Variants in TNPO2 observed in about 807,000 individuals in gnomAD.
TNPO2 encodes transportin 2.
In TNPO2, 16 loss-of-function variants were observed where a neutral mutation model predicts 111.1. The ratio of observed to expected loss-of-function variants is 0.14; its 90% CI spans 0.10 to 0.22. TNPO2 has a LOEUF of 0.22. Among genes scored for constraint, TNPO2 ranks in the 10% least tolerant of loss-of-function variants. The probability of loss-of-function intolerance (pLI) is 1.00; values close to 1 mark genes in which losing one functional copy is unlikely to be tolerated. For synonymous variants in TNPO2, 481 were observed against 475.8 expected, an observed-to-expected ratio of 1.01 and a Z score of -0.14; for missense variants, 530 against 1,173.7, an observed-to-expected ratio of 0.45 and a Z score of 8.01.
Position 12,701,445 on chromosome 19 carries a change from G to C in TNPO2, c.2595C>G (p.His865Gln). Reference protein sequence around the residue: ...DLRDMFYKILHGFKDQVGEDN... With the variant: ...DLRDMFYKILQGFKDQVGEDN... Reference sequence around the variant, plus strand: ...CTTCCCCAACTTGGTCTTTGAAGCCGTGGAGAATCTGTGGGGAGGGTGGTG... The same window carrying C: ...CTTCCCCAACTTGGTCTTTGAAGCCCTGGAGAATCTGTGGGGAGGGTGGTG... The change falls in exon 25 of 26, where the codon CAC becomes CAG. Residue 865 changes from histidine (H) to glutamine (Q), a missense_variant. His to Gln is a conservative substitution (Grantham distance 24). Transcript: ENST00000425528. This position sits in a 1 kb window ranked among gnomAD's most constrained non-coding sequence, Gnocchi z 5.0. The C allele has an allele frequency of 6.2e-7, 1 of 1,613,826 alleles. No individual in the cohort carries two copies. The highest frequency in any genetic ancestry group is 8.5e-7 in the Non-Finnish European group (1 of 1,179,796).
rs1352532511 is a variant in TNPO2 at position 12,706,852 on chromosome 19, G to C, written c.1271-57C>G. On this transcript the variant is annotated intron_variant, in intron 13 of 25. Coordinates refer to ENST00000425528, the MANE Select transcript of TNPO2 (RefSeq NM_001382241.1). The surrounding 1 kb of genome is among the most constrained non-coding windows in gnomAD (Gnocchi z 7.0). Reference sequence around the variant, plus strand: ...TTGATTGGGCCCAGCCACACCCACCGTATGGAGAGAAGAGTCAGCCGCACA... The same window carrying C: ...TTGATTGGGCCCAGCCACACCCACCCTATGGAGAGAAGAGTCAGCCGCACA... The C allele has an allele frequency of 7.0e-7, 1 of 1,419,444 alleles. No homozygotes were observed. Among genetic ancestry groups the C allele is most frequent in the East Asian group, 2.5e-5 (1 of 40,492 alleles). The allele number at this position is 1,419,444 out of a possible 1,614,324, so 87.9% of individuals were successfully genotyped here.
chr19:12,721,672 A>T lies in TNPO2; in HGVS notation c.-13-682T>A, dbSNP rs1966960747. On this transcript the variant is annotated intron_variant, in intron 2 of 25. Transcript: ENST00000425528. The surrounding 1 kb of genome is among the most constrained non-coding windows in gnomAD (Gnocchi z 4.9). ...ATCAGGCCCAAAGCAGTCCCCAGGTAGGTCTCTGCTGCCTCTTCGAATGAG... is the reference window on the plus strand; with the variant it reads ...ATCAGGCCCAAAGCAGTCCCCAGGTTGGTCTCTGCTGCCTCTTCGAATGAG... 4.3e-6 allele frequency: 1 copy of T among 231,496 alleles called. No homozygotes were observed. Among genetic ancestry groups the T allele is most frequent in the Non-Finnish European group, 8.6e-6 (1 of 116,030 alleles). The allele number at this position is 231,496 out of a possible 1,614,324, so 14.3% of individuals were successfully genotyped here. A position where few individuals can be genotyped will look rare whatever the true frequency, so the allele number is the denominator to read the frequency against.
chr19:12,702,167 C>T lies in TNPO2; in HGVS notation c.2316G>A (p.Thr772=), dbSNP rs374413929. The T allele has an allele frequency of 6.8e-6, 11 of 1,613,056 alleles. No individual in the cohort carries two copies. Among genetic ancestry groups the T allele is most frequent in the African/African-American group, 1.3e-5 (1 of 75,026 alleles). The change falls in exon 22 of 26, where the codon ACG becomes ACA. Residue 772 remains threonine (T), a synonymous_variant. Coordinates refer to ENST00000425528, the MANE Select transcript of TNPO2 (RefSeq NM_001382241.1). The surrounding 1 kb of genome is among the most constrained non-coding windows in gnomAD (Gnocchi z 5.5). The part of the protein sequence containing the change: ...KTLLENTGRL[T]SPSAIPAITI... Reference sequence around the variant, plus strand: ...TGATGGCTGGAATGGCAGAGGGACTCGTCAGGCGACCTGCAACCCCGAGCG... The same window carrying T: ...TGATGGCTGGAATGGCAGAGGGACTTGTCAGGCGACCTGCAACCCCGAGCG...
intron 19 of TNPO2, 59 bp downstream of exon 19, chr19:12,703,655 T>A: frequency 6.3e-7 from 1 of 1,589,400 alleles, no homozygotes; most frequent in African/African-American, 1.3e-5. Context: ...CGGGTATTGC[T>A]CTCCATCACT....
Position 12,723,902 on chromosome 19 carries a change from G to C in TNPO2, c.-264C>G, listed in dbSNP as rs143737192. 3 of 152,338 alleles carry C rather than the reference G, an allele frequency of 2.0e-5. No homozygotes were observed. The East Asian group carries it at 5.8e-4, about 29-fold the overall frequency. 9.4% of individuals were successfully genotyped at this position (152,338 alleles called of 1,614,324 possible). A position where few individuals can be genotyped will look rare whatever the true frequency, so the allele number is the denominator to read the frequency against. On this transcript the variant is annotated 5_prime_UTR_variant, in exon 1 of 26. Coordinates refer to ENST00000425528, the MANE Select transcript of TNPO2 (RefSeq NM_001382241.1). ...CGGAAGACACCCTAAAGGAGCAGTT[G>C]GGATTCCGAGGTAGCCAGTTCCGCT... is the stretch of plus-strand genomic sequence containing the variant.
chr19:12,722,594 GA>G (rs963967398), intron 2 of TNPO2: 6,067 of 117,258 alleles, frequency 0.052, 166 homozygotes, highest in African/African-American at 0.1. Context: ...AAGAAAGAAA[GA>G]AAAAAAAAAA....
intron 20 of TNPO2, among the ~76,000 whole-genome samples, chr19:12,703,202 C>G (rs1291625278): frequency 2.6e-5 from 4 of 152,210 alleles, no homozygotes; most frequent in South Asian, 2.1e-4. Flanking sequence ...CCCAACCAAT[C>G]CGAATGAGTC....
chr19:12,710,506 T>C (rs535471383), intron 13 of TNPO2, 115 bp downstream of exon 13: 31 of 1,257,582 alleles, frequency 2.5e-5, no homozygotes, highest in Admixed American at 8.0e-5. Flanking sequence ...CTCAGAGCTG[T>C]TTGGAGTGGG....
At position 12,715,235 on chromosome 19, in the gene TNPO2, C is replaced by A. The variant is rs535666825; in HGVS notation, c.648+8G>T. 99 of 1,613,542 alleles carry A rather than the reference C, an allele frequency of 6.1e-5. No homozygotes were observed. Among genetic ancestry groups the A allele is most frequent in the Non-Finnish European group, 7.8e-5 (92 of 1,179,792 alleles). The stretch of plus-strand genomic sequence containing the variant: ...CTCGCCCTGCCCACCCCCAGCCCAG[C>A]GGCCCACCTCGATGAAGGTGTCAAT... On this transcript the variant is annotated splice_region_variant and intron_variant, in intron 8 of 25. Transcript: ENST00000425528. The surrounding 1 kb of genome is among the most constrained non-coding windows in gnomAD (Gnocchi z 7.1).
intron 20 of TNPO2, 82 bp downstream of exon 20, chr19:12,703,346 C>G: frequency 7.7e-7 from 1 of 1,291,794 alleles, no homozygotes; most frequent in South Asian, 1.2e-5. Flanking sequence ...TTGAAGGAAG[C>G]TGTCAGTCAG....
chr19:12,701,956 G>A lies in TNPO2; in HGVS notation c.2412-105C>T, dbSNP rs1275940553. On this transcript the variant is annotated intron_variant, in intron 22 of 25. Coordinates refer to ENST00000425528, the MANE Select transcript of TNPO2 (RefSeq NM_001382241.1). This position sits in a 1 kb window ranked among gnomAD's most constrained non-coding sequence, Gnocchi z 5.0. ...GAGTGGGCCTGGGACATGCATCTGT[G>A]GGGGTGGGGCAGGGCAGGGAGTCAG... 7.2e-7 allele frequency: 1 copy of A among 1,393,214 alleles called. No homozygotes were observed. Among genetic ancestry groups the A allele is most frequent in the Admixed American group, 1.7e-5 (1 of 58,468 alleles). 86.3% of individuals were successfully genotyped at this position (1,393,214 alleles called of 1,614,324 possible). A position where few individuals can be genotyped will look rare whatever the true frequency, so the allele number is the denominator to read the frequency against.
chr19:12,711,628 A>G lies in TNPO2; in HGVS notation c.891-15T>C, dbSNP rs751352905. On this transcript the variant is annotated splice_polypyrimidine_tract_variant and intron_variant, in intron 10 of 25. Coordinates refer to ENST00000425528, the MANE Select transcript of TNPO2 (RefSeq NM_001382241.1). ...TGGGGATCAACCTGCACAGAGAGGG[A>G]CTGTTTATGGGGATGCAGGGGCCGT... 3 of 1,612,032 alleles carry G rather than the reference A, an allele frequency of 1.9e-6. No homozygotes were observed. Among genetic ancestry groups the G allele is most frequent in the Non-Finnish European group, 2.5e-6 (3 of 1,179,086 alleles).
Position 12,706,457 on chromosome 19 carries a change from G to T in TNPO2, c.1497-90C>A. ...AGTTGGGGAGGGCAACTCAGGATCAGCCAGTACGAATACGCGATAAATCAG... is the reference window on the plus strand; with the variant it reads ...AGTTGGGGAGGGCAACTCAGGATCATCCAGTACGAATACGCGATAAATCAG... On this transcript the variant is annotated intron_variant, in intron 14 of 25. Coordinates refer to ENST00000425528, the MANE Select transcript of TNPO2 (RefSeq NM_001382241.1). The surrounding 1 kb of genome is among the most constrained non-coding windows in gnomAD (Gnocchi z 7.0). The T allele has an allele frequency of 6.3e-7, 1 of 1,579,202 alleles. No homozygotes were observed. Among genetic ancestry groups the T allele is most frequent in the Non-Finnish European group, 8.7e-7 (1 of 1,149,250 alleles).
chr19:12,701,563 C>T lies in TNPO2; in HGVS notation c.2586+35G>A, dbSNP rs749772137. ...CCAGATGGTCTCACCCCTGCCTGCT[C>T]CCGGAACTAGATCAGGGCCCAGACA... is the stretch of plus-strand genomic sequence containing the variant. On this transcript the variant is annotated intron_variant, in intron 24 of 25. Coordinates refer to ENST00000425528, the MANE Select transcript of TNPO2 (RefSeq NM_001382241.1). The surrounding 1 kb of genome is among the most constrained non-coding windows in gnomAD (Gnocchi z 5.0). 4 of 1,612,306 alleles carry T rather than the reference C, an allele frequency of 2.5e-6. No homozygotes were observed. In the African/African-American group the frequency reaches 4.0e-5, roughly 16 times the overall value.
Position 12,706,759 on chromosome 19 carries a change from A to C in TNPO2, c.1307T>G (p.Leu436Arg), listed in dbSNP as rs1349567063. The C allele has an allele frequency of 6.2e-7, 1 of 1,612,542 alleles. No homozygotes were observed. The change falls in exon 14 of 26, where the codon CTG becomes CGG. Residue 436 changes from leucine (L) to arginine (R), a missense_variant. By Grantham distance (102) the Leu-to-Arg change is moderately radical (BLOSUM62 -2). Coordinates refer to ENST00000425528, the MANE Select transcript of TNPO2 (RefSeq NM_001382241.1). This position sits in a 1 kb window ranked among gnomAD's most constrained non-coding sequence, Gnocchi z 7.0. ...MQGMVPYLPE[L>R]IPHLIQCLSD... ...CAGGCACTGGATCAGGTGCGGGATC[A>C]GCTCAGGCAGGTAGGGCACCATGCC...
chr19:12,717,951 G>A (rs1264699502), intron 5 of TNPO2, among the ~76,000 whole-genome samples: 1 of 152,104 alleles, frequency 6.6e-6, no homozygotes, highest in East Asian at 1.9e-4. Context: ...CAAAGTGCTA[G>A]GACTATAGGC....
intron 20 of TNPO2, chr19:12,703,185 A>T (rs759656712): frequency 3.8e-5 from 22 of 586,526 alleles, no homozygotes; most frequent in Non-Finnish European, 6.0e-5. Flanking sequence ...AAAAAAAGCC[A>T]AAGTCACCCA....
chr19:12,706,166 C>A lies in TNPO2; in HGVS notation c.1668+30G>T. On this transcript the variant is annotated intron_variant, in intron 15 of 25. Transcript: ENST00000425528. The surrounding 1 kb of genome is among the most constrained non-coding windows in gnomAD (Gnocchi z 7.0). ...ACTGGATGCCCAGGGGCACGGGGAT[C>A]GGGAGGCGGGAGCCGCTCTGGGGTC... is the stretch of plus-strand genomic sequence containing the variant. 1 of 1,604,900 alleles carries A rather than the reference C, an allele frequency of 6.2e-7. No individual in the cohort carries two copies. The highest frequency in any genetic ancestry group is 8.5e-7 in the Non-Finnish European group (1 of 1,175,532).
At chr19:12,704,418 C>T (rs2025506581) in intron 18 of TNPO2, among the ~76,000 whole-genome samples, 1 of 152,086 alleles carries the variant, frequency 6.6e-6, no homozygotes, top group South Asian at 2.1e-4. Context: ...GCATATGCAC[C>T]TATGCACATT....
Sources: allele counts gnomAD v4.1 joint callset (sites outside exome capture counted in the v4.1 genomes callset), GRCh38; gene constraint gnomAD v4.1.1; non-coding constraint Gnocchi (gnomAD v3.1); transcripts MANE v1.5; gene names NCBI Gene and HGNC (gene_info 2026-07-23, HGNC 2026-07-21).